Variants in TMEM87A observed in about 807,000 individuals in gnomAD.
TMEM87A encodes transmembrane protein 87A, also known as Golgi-pH regulating cation channel.
TMEM87A carries 50 observed loss-of-function variants against 90.0 expected under a neutral mutation model. That is an observed-to-expected ratio of 0.56 (90% CI 0.44 to 0.70). The LOEUF is 0.70. Among genes scored for constraint, TMEM87A ranks in the 30% least tolerant of loss-of-function variants. The pLI, the probability that TMEM87A is intolerant of heterozygous loss-of-function variation, is 0.00. For missense variants in TMEM87A, 577 were observed against 660.5 expected (o/e 0.87, Z 1.39); for synonymous variants, 226 against 226.7 (o/e 1.00, Z 0.03).
At chr15:42,249,112 T>C (rs1274575813) in intron 6 of TMEM87A, among the ~76,000 whole-genome samples, 4 of 152,252 alleles carry the variant, frequency 2.6e-5, no homozygotes, top group East Asian at 1.9e-4. Flanking sequence ...TTTGTATTTC[T>C]GTGGGATCAG....
At chr15:42,264,889 G>A (rs181335192) in intron 3 of TMEM87A, among the ~76,000 whole-genome samples, 38 of 151,644 alleles carry the variant, frequency 2.5e-4, no homozygotes, top group Admixed American at 7.9e-4. Context: ...AGTGTCTGCC[G>A]TTCCCCTCTT....
Position 42,273,077 on chromosome 15 carries a change from A to G in TMEM87A, c.144+178T>C. The G allele has an allele frequency of 4.0e-6, 3 of 741,096 alleles. No homozygotes were observed. In the South Asian group the frequency reaches 5.0e-5, roughly 12 times the overall value. The allele number at this position is 741,096 out of a possible 1,614,324, so 45.9% of individuals were successfully genotyped here. ...CTTACATTCCCGCTAGCCTAATCAC[A>G]GAAGTGCGCGGCTTTCCACTCCAGG... On this transcript the variant is annotated intron_variant, in intron 1 of 19. Coordinates refer to ENST00000389834, the MANE Select transcript of TMEM87A (RefSeq NM_015497.5).
chr15:42,228,162 A>C (rs1196270192), intron 13 of TMEM87A, among the ~76,000 whole-genome samples: 1 of 152,210 alleles, frequency 6.6e-6, no homozygotes, highest in African/African-American at 2.4e-5. Flanking sequence ...AGATGAAAAA[A>C]AATGGCTGAT....
rs186130425 is a variant in TMEM87A at position 42,213,538 on chromosome 15, A to C, written c.1627-1789T>G. ...CAGTATATTTTAGGTGCCTGGGGCC[A>C]GTATGAACAAAAAAAGAGCTGGGCT... On this transcript the variant is annotated intron_variant, in intron 19 of 19. Coordinates refer to ENST00000389834, the MANE Select transcript of TMEM87A (RefSeq NM_015497.5). Among the ~76,000 whole-genome samples, 354 of 152,378 alleles carry C rather than the reference A, an allele frequency of 2.3e-3. 3 individuals are homozygous for C. Among genetic ancestry groups the C allele is most frequent in the Middle Eastern group, 0.01 (3 of 294 alleles).
intron 2 of TMEM87A, among the ~76,000 whole-genome samples, chr15:42,270,870 C>T (rs2051508837): frequency 6.6e-6 from 1 of 152,200 alleles, no homozygotes. Context: ...GCTGTTTTCA[C>T]TCCCACTAGA....
intron 2 of TMEM87A, among the ~76,000 whole-genome samples, chr15:42,270,011 G>A (rs1408419973): frequency 2.7e-5 from 4 of 147,858 alleles, no homozygotes; most frequent in Admixed American, 2.7e-4. Context: ...CCCCCAAAAA[G>A]TACAAAATCA....
intron 6 of TMEM87A, among the ~76,000 whole-genome samples, chr15:42,260,124 G>C (rs2051260209): frequency 6.6e-6 from 1 of 152,178 alleles, no homozygotes; most frequent in South Asian, 2.1e-4. Context: ...TATAATCCTA[G>C]CACTTTGGGA....
intron 15 of TMEM87A, 167 bp downstream of exon 15, chr15:42,226,639 T>G: frequency 1.6e-6 from 1 of 618,620 alleles, no homozygotes; most frequent in Non-Finnish European, 2.8e-6. Context: ...ATGCCAAAAA[T>G]CATGAAGTTA....
chr15:42,273,117 T>C (rs1228919449), intron 1 of TMEM87A, 138 bp downstream of exon 1: 2 of 1,102,696 alleles, frequency 1.8e-6, no homozygotes, highest in Non-Finnish European at 2.6e-6. Context: ...TGGGTCCCAG[T>C]TGGCTAGCCA....
In TMEM87A at chr15:42,231,260, C is replaced by A; in HGVS notation, c.1063G>T (p.Ala355Ser). Residue 355 changes from alanine (A) to serine (S), a missense_variant and splice_region_variant, in exon 12 of 20, where the codon GCC becomes TCC. Ala to Ser is a moderately conservative substitution (Grantham distance 99). Transcript: ENST00000389834. ...GMEGVLRVTG[A>S]QTDLASLAFI... ...GCCAAGGAAGCAAGATCAGTCTGGG[C>A]CTGCAGACAAAGAAAAAGAAGTGGT... 1 of 1,566,790 alleles carries A rather than the reference C, an allele frequency of 6.4e-7. No individual in the cohort carries two copies.
chr15:42,240,964 G>A (rs1386130581), intron 7 of TMEM87A, among the ~76,000 whole-genome samples: 4 of 152,144 alleles, frequency 2.6e-5, no homozygotes, highest in Non-Finnish European at 5.9e-5. Context: ...GCAAAATATA[G>A]CACATGGGCC....
intron 6 of TMEM87A, 149 bp downstream of exon 6, chr15:42,260,809 T>G (rs2051272807): frequency 1.3e-6 from 1 of 790,028 alleles, no homozygotes; most frequent in Non-Finnish European, 2.0e-6. Context: ...CATCCAGAGA[T>G]CCAACCATTT....
chr15:42,270,191 G>A (rs981852872), intron 2 of TMEM87A, among the ~76,000 whole-genome samples: 1 of 151,956 alleles, frequency 6.6e-6, no homozygotes, highest in Non-Finnish European at 1.5e-5. Flanking sequence ...CCAATATGGT[G>A]AAACCCCCAC....
chr15:42,236,402 G>C lies in TMEM87A; in HGVS notation c.886C>G (p.Leu296Val), dbSNP rs771640377. The C allele has an allele frequency of 3.1e-6, 5 of 1,614,078 alleles. No homozygotes were observed. The highest frequency in any genetic ancestry group is 1.7e-4 in the Middle Eastern group (1 of 6,060). The change falls in exon 10 of 20, where the codon CTT (leucine) becomes GTT (valine). Residue 296 changes from leucine to valine, a missense_variant. Leu to Val is a conservative substitution (Grantham distance 32). Coordinates refer to ENST00000389834, the MANE Select transcript of TMEM87A (RefSeq NM_015497.5). ...TTCACTGCTGAAAGCAGCTCTGCAAGGATCAAAGCACCCTGGACTATGAAA... is the reference window on the plus strand; with the variant it reads ...TTCACTGCTGAAAGCAGCTCTGCAACGATCAAAGCACCCTGGACTATGAAA... Reference protein sequence around the residue: ...KGESVQGALILAELLSAVKRS... With the variant: ...KGESVQGALIVAELLSAVKRS...
At chr15:42,231,543 T>C (rs2050686411) in intron 11 of TMEM87A, among the ~76,000 whole-genome samples, 1 of 152,148 alleles carries the variant, frequency 6.6e-6, no homozygotes, top group Non-Finnish European at 1.5e-5. Context: ...CAAGTGACCA[T>C]ATTCCAAAAA....
At chr15:42,220,334 A>G (rs2050454670) in intron 15 of TMEM87A, among the ~76,000 whole-genome samples, 199 bp from the exon 16 acceptor site, 1 of 152,256 alleles carries the variant, frequency 6.6e-6, no homozygotes, top group South Asian at 2.1e-4. Context: ...TATCATATTT[A>G]TGAGTGCAGG....
chr15:42,258,794 T>C (rs1464054560), intron 6 of TMEM87A: 6 of 1,450,874 alleles, frequency 4.1e-6, no homozygotes, highest in Non-Finnish European at 5.4e-6. Flanking sequence ...TCAGTTAAAA[T>C]TCTGTACAAA....
intron 12 of TMEM87A, 137 bp downstream of exon 12, chr15:42,231,055 A>G (rs961576234): frequency 1.5e-6 from 1 of 668,276 alleles, no homozygotes. Flanking sequence ...TCAGGTTGTT[A>G]AGACTTAGCA....
At chr15:42,259,865 T>TA (rs1295597191) in intron 6 of TMEM87A, among the ~76,000 whole-genome samples, 1 of 152,162 alleles carries the variant, frequency 6.6e-6, no homozygotes, top group Non-Finnish European at 1.5e-5. Flanking sequence ...GTCCATGTAT[T>TA]ATATGATTCC....
Sources: allele counts gnomAD v4.1 joint callset (sites outside exome capture counted in the v4.1 genomes callset), GRCh38; gene constraint gnomAD v4.1.1; transcripts MANE v1.5; gene names NCBI Gene and HGNC (gene_info 2026-07-23, HGNC 2026-07-21).